Variants in AAK1 observed in about 807,000 individuals in gnomAD.
The protein encoded by AAK1 is AP2-associated protein kinase 1.
AAK1 carries 37 observed loss-of-function variants against 116.0 expected under a neutral mutation model. That is an observed-to-expected ratio of 0.32 (90% CI 0.25 to 0.42). AAK1 has a LOEUF of 0.42. Among genes scored for constraint, AAK1 ranks in the 10% least tolerant of loss-of-function variants. The pLI, the probability that AAK1 is intolerant of heterozygous loss-of-function variation, is 1.00. For missense variants in AAK1, 919 were observed against 1,170.6 expected, an observed-to-expected ratio of 0.79 and a Z score of 3.14; for synonymous variants, 458 against 439.9, an observed-to-expected ratio of 1.04 and a Z score of -0.51.
chr2:69,582,396 TGC>T (rs1052652806), intron 2 of AAK1, among the ~76,000 whole-genome samples: 17 of 149,534 alleles, frequency 1.1e-4, no homozygotes, highest in Non-Finnish European at 1.8e-4. Context: ...CGTGTGTGTG[TGC>T]GTGTGTGTGC....
intron 2 of AAK1, among the ~76,000 whole-genome samples, chr2:69,617,267 ATC>A (rs1674376647): frequency 1.3e-5 from 2 of 152,248 alleles, no homozygotes; most frequent in Non-Finnish European, 1.5e-5. Flanking sequence ...GAATTCAATT[ATC>A]TCTAACTTTA....
At chr2:69,488,935 T>C (rs1382814762) in intron 17 of AAK1, among the ~76,000 whole-genome samples, 1 of 151,874 alleles carries the variant, frequency 6.6e-6, no homozygotes, top group Non-Finnish European at 1.5e-5. Context: ...CTCACACTTG[T>C]AATCCCAGCA....
intron 10 of AAK1, among the ~76,000 whole-genome samples, chr2:69,522,995 G>A (rs116107973): frequency 6.6e-6 from 1 of 152,138 alleles, no homozygotes; most frequent in African/African-American, 2.4e-5. Context: ...GTGATAATGG[G>A]TATGTCACTC....
In AAK1 at chr2:69,460,138, G is replaced by A. The variant is rs569084898; in HGVS notation, c.*15731C>T. The A allele has an allele frequency of 3.9e-4, 60 of 152,454 alleles. No individual in the cohort carries two copies. The highest frequency in any genetic ancestry group is 1.4e-3 in the African/African-American group (58 of 41,480). The allele number at this position is 152,454 out of a possible 1,614,324, so 9.4% of individuals were successfully genotyped here. A position where few individuals can be genotyped will look rare whatever the true frequency, so the allele number is the denominator to read the frequency against. On this transcript the variant is annotated 3_prime_UTR_variant, in exon 22 of 22. Transcript: ENST00000409085. ...ACATTTCTCGGATAAAACCACATCT[G>A]TGGTTTTATCCAGCAACCATTTCAC...
intron 18 of AAK1, 79 bp from the exon 19 acceptor site, chr2:69,481,040 TTTC>T: frequency 7.5e-6 from 9 of 1,205,420 alleles, no homozygotes; most frequent in Non-Finnish European, 6.9e-6. Context: ...TCTGTGAAGC[TTTC>T]TTCTTTTTTT....
chr2:69,608,213 C>A (rs1043697097), intron 2 of AAK1, among the ~76,000 whole-genome samples: 1 of 152,248 alleles, frequency 6.6e-6, no homozygotes, highest in South Asian at 2.1e-4. Context: ...ACTCCTACAA[C>A]ACAAGCCAAG....
intron 2 of AAK1, among the ~76,000 whole-genome samples, chr2:69,579,300 C>T (rs746531345): frequency 2.4e-4 from 36 of 152,312 alleles, no homozygotes; most frequent in South Asian, 2.1e-4. Context: ...CTCTTTCCAG[C>T]CAGGCCTGGT....
chr2:69,520,847 T>TG lies in AAK1; in HGVS notation c.1196dup (p.Pro400ThrfsTer239). ...CTAGATACAAACCTGCAGCCTGAGG[T>TG]GGGGGCTGAACAGTGGCCCTCTTCC... On this transcript the variant is annotated frameshift_variant, in exon 11 of 22. Coordinates refer to ENST00000409085, the MANE Select transcript of AAK1 (RefSeq NM_014911.5). LOFTEE classifies it high-confidence loss of function. 1 of 1,557,470 alleles carries TG rather than the reference T, an allele frequency of 6.4e-7. No homozygotes were observed. The highest frequency in any genetic ancestry group is 8.6e-7 in the Non-Finnish European group (1 of 1,157,570).
intron 16 of AAK1, among the ~76,000 whole-genome samples, chr2:69,504,918 G>A (rs576908557): frequency 1.3e-5 from 2 of 152,194 alleles, no homozygotes; most frequent in African/African-American, 4.8e-5. Flanking sequence ...GTGAGGTCAT[G>A]GAGAATTTTA....
chr2:69,515,732 TG>T (rs1462872938), intron 12 of AAK1, among the ~76,000 whole-genome samples: 1 of 152,182 alleles, frequency 6.6e-6, no homozygotes, highest in East Asian at 1.9e-4. Context: ...AGGTCAACAC[TG>T]TATCTTTGAA....
At position 69,465,361 on chromosome 2, in the gene AAK1, G is replaced by C; in HGVS notation, c.*10508C>G. On this transcript the variant is annotated 3_prime_UTR_variant, in exon 22 of 22. Transcript: ENST00000409085. Reference sequence around the variant, plus strand: ...ATTTCTTCTTCAGAAGGCTAAGCTGGGAGTGCCATGGCGGGTATTGAGGGT... The same window carrying C: ...ATTTCTTCTTCAGAAGGCTAAGCTGCGAGTGCCATGGCGGGTATTGAGGGT... 1 of 1,181,492 alleles carries C rather than the reference G, an allele frequency of 8.5e-7. No homozygotes were observed. The highest frequency in any genetic ancestry group is 3.4e-5 in the Admixed American group (1 of 29,832). The allele number at this position is 1,181,492 out of a possible 1,614,324, so 73.2% of individuals were successfully genotyped here.
At chr2:69,567,474 G>A (rs551507260) in intron 2 of AAK1, among the ~76,000 whole-genome samples, 10 of 152,144 alleles carry the variant, frequency 6.6e-5, no homozygotes, top group Non-Finnish European at 1.5e-4. Flanking sequence ...TGGCATCTCT[G>A]TCACCCAGCA....
chr2:69,461,595 A>ATTTT lies in AAK1; in HGVS notation c.*14270_*14273dup. On this transcript the variant is annotated 3_prime_UTR_variant, in exon 22 of 22. Transcript: ENST00000409085. ...TCCACCCATCATGTCTCCAGTGACAATTTTTTTTTTTTTTTTGAGGCGGAG... is the reference window on the plus strand; with the variant it reads ...TCCACCCATCATGTCTCCAGTGACAATTTTTTTTTTTTTTTTTTTTGAGGCGGAG... The ATTTT allele has an allele frequency of 2.4e-5, 9 of 378,708 alleles. No homozygotes were observed. Among genetic ancestry groups the ATTTT allele is most frequent in the East Asian group, 9.5e-5 (1 of 10,546 alleles). The allele number at this position is 378,708 out of a possible 1,614,324, so 23.5% of individuals were successfully genotyped here.
chr2:69,563,987 A>G (rs1262216732), intron 2 of AAK1, among the ~76,000 whole-genome samples: 2 of 152,008 alleles, frequency 1.3e-5, no homozygotes, highest in African/African-American at 2.4e-5. Context: ...AGGTCAGGAG[A>G]TTGAGACCGT....
intron 2 of AAK1, among the ~76,000 whole-genome samples, chr2:69,599,399 CTT>C (rs1206440822): frequency 1.3e-5 from 1 of 76,494 alleles, no homozygotes; most frequent in Non-Finnish European, 3.0e-5. Context: ...AAAAAAAAAA[CTT>C]CACTGAAATT....
At chr2:69,578,951 G>A (rs896646299) in intron 2 of AAK1, among the ~76,000 whole-genome samples, 10 of 151,962 alleles carry the variant, frequency 6.6e-5, no homozygotes, top group African/African-American at 2.4e-4. Flanking sequence ...CTACAGGTGC[G>A]TGCCACCATG....
At chr2:69,487,161 A>G (rs1159351288) in intron 17 of AAK1, among the ~76,000 whole-genome samples, 3 of 152,196 alleles carry the variant, frequency 2.0e-5, no homozygotes, top group Non-Finnish European at 4.4e-5. Flanking sequence ...GGTCACATCT[A>G]AAGCTATTAC....
At chr2:69,621,283 T>C (rs879510) in intron 2 of AAK1, among the ~76,000 whole-genome samples, 77,765 of 152,040 alleles carry the variant, frequency 0.51, 22,386 homozygotes, top group African/African-American at 0.76. Context: ...CGAGACCAGC[T>C]TCGCCAACAT....
chr2:69,488,791 G>A (rs1255734793), intron 17 of AAK1, among the ~76,000 whole-genome samples: 2 of 151,982 alleles, frequency 1.3e-5, no homozygotes, highest in East Asian at 3.9e-4. Context: ...CTAACAGAGA[G>A]GTACACAAGG....
Sources: allele counts gnomAD v4.1 joint callset (sites outside exome capture counted in the v4.1 genomes callset), GRCh38; gene constraint gnomAD v4.1.1; transcripts MANE v1.5; gene names NCBI Gene and HGNC (gene_info 2026-07-23, HGNC 2026-07-21).